The following INSR variants were observed in gnomAD, a reference collection of about 807,000 sequenced individuals.
The protein encoded by INSR is IR.
INSR carries 67 observed loss-of-function variants against 142.6 expected under a neutral mutation model. The ratio of observed to expected loss-of-function variants is 0.47; its 90% CI spans 0.39 to 0.58. The LOEUF (loss-of-function observed/expected upper bound fraction) is 0.58, where lower values mean the gene tolerates loss of function less well. Ranked by LOEUF, INSR falls within the 20% of genes least tolerant of loss-of-function variation. INSR has a pLI of 0.00. For synonymous variants in INSR, 756 were observed against 743.1 expected, an observed-to-expected ratio of 1.02 and a Z score of -0.28; for missense variants, 1,248 against 1,833.2, an observed-to-expected ratio of 0.68 and a Z score of 5.83.
In INSR at chr19:7,222,261, T is replaced by C. The variant is rs143730183; in HGVS notation, c.653-37624A>G. Among the ~76,000 whole-genome samples, 588 of 152,246 alleles carry C rather than the reference T, an allele frequency of 3.9e-3. 3 individuals are homozygous for C. The highest frequency in any genetic ancestry group is 5.7e-3 in the Non-Finnish European group (388 of 68,022). On this transcript the variant is annotated intron_variant, in intron 2 of 21. Transcript: ENST00000302850. ...TTGGCACTTTGGACCGCAGCCTGTA[T>C]GGAAATTCCTGGCCTCTGATGACCT...
At chr19:7,202,117 T>C (rs1432542573) in intron 2 of INSR, among the ~76,000 whole-genome samples, 1 of 152,214 alleles carries the variant, frequency 6.6e-6, no homozygotes, top group African/African-American at 2.4e-5. Context: ...CAGTAGTCAC[T>C]AACCATACAT....
intron 2 of INSR, among the ~76,000 whole-genome samples, chr19:7,206,683 G>A (rs1975113358): frequency 6.6e-6 from 1 of 152,174 alleles, no homozygotes; most frequent in African/African-American, 2.4e-5. Flanking sequence ...AACCCAGGAG[G>A]AGGAGGTTTC....
At chr19:7,253,679 A>G (rs1263965707) in intron 2 of INSR, among the ~76,000 whole-genome samples, 1 of 152,276 alleles carries the variant, frequency 6.6e-6, no homozygotes, top group East Asian at 1.9e-4. Flanking sequence ...AGAGGAGAGC[A>G]ATGCTTTCAA....
rs1973925857 is a variant in INSR at position 7,167,964 on chromosome 19, T to G, written c.1610+4A>C. 6.2e-7 allele frequency: 1 copy of G among 1,613,656 alleles called. No individual in the cohort carries two copies. The highest frequency in any genetic ancestry group is 8.5e-7 in the Non-Finnish European group (1 of 1,179,910). ...CTCAGCGTCTCTCTAACTCTTCTAC[T>G]TACGCCTCTTTGTAGAACAGCATGA... is the stretch of plus-strand genomic sequence containing the variant. On this transcript the variant is annotated splice_donor_region_variant and intron_variant, in intron 7 of 21. Transcript: ENST00000302850.
intron 2 of INSR, among the ~76,000 whole-genome samples, chr19:7,207,353 G>A (rs559263963): frequency 2.6e-5 from 4 of 151,324 alleles, no homozygotes; most frequent in South Asian, 2.1e-4. Context: ...GGAGGCAGAG[G>A]TTGCAGTGAG....
At chr19:7,263,329 C>T (rs557319599) in intron 2 of INSR, among the ~76,000 whole-genome samples, 1 of 151,718 alleles carries the variant, frequency 6.6e-6, no homozygotes, top group South Asian at 2.1e-4. Flanking sequence ...TATTTTATCA[C>T]AATACAAGAA....
At chr19:7,257,329 C>T (rs1006344120) in intron 2 of INSR, among the ~76,000 whole-genome samples, 3 of 151,974 alleles carry the variant, frequency 2.0e-5, no homozygotes, top group African/African-American at 4.8e-5. Context: ...ACAGTGACAT[C>T]GCCACAAGGG....
intron 3 of INSR, among the ~76,000 whole-genome samples, chr19:7,182,685 C>T (rs1000711963): frequency 1.2e-4 from 18 of 152,212 alleles, no homozygotes; most frequent in African/African-American, 4.3e-4. Flanking sequence ...TCTGTTTTAG[C>T]ATCTCCCGCA....
In INSR at chr19:7,207,948, G is replaced by GGAAGGAAGGGAA. The variant is rs1375255118; in HGVS notation, c.653-23312_653-23311insTTCCCTTCCTTC. ...AGGAAGGAAGGAAGGAAGGGAAGGA[G>GGAAGGAAGGGAA]GGAGGGAGGGAGGGAGGGAGGCAAA... On this transcript the variant is annotated intron_variant, in intron 2 of 21. Transcript: ENST00000302850. Among the ~76,000 whole-genome samples, 839 of 123,864 alleles carry GGAAGGAAGGGAA rather than the reference G, an allele frequency of 6.8e-3. 5 individuals carry two copies. The highest frequency in any genetic ancestry group is 0.018 in the South Asian group (59 of 3,330). The allele number at this position is 123,864 out of a possible 152,430, so 81.3% of individuals were successfully genotyped here. A position where few individuals can be genotyped will look rare whatever the true frequency, so the allele number is the denominator to read the frequency against.
chr19:7,198,132 C>T (rs1031055174), intron 2 of INSR, among the ~76,000 whole-genome samples: 1 of 151,878 alleles, frequency 6.6e-6, no homozygotes, highest in Non-Finnish European at 1.5e-5. Flanking sequence ...CCCCTCGAGC[C>T]GGAGGCCTCA....
chr19:7,285,452 T>A (rs989624169), intron 1 of INSR, among the ~76,000 whole-genome samples: 1 of 151,370 alleles, frequency 6.6e-6, no homozygotes, highest in African/African-American at 2.4e-5. Context: ...AGACTCCGTC[T>A]CAAAAATAAA....
intron 1 of INSR, among the ~76,000 whole-genome samples, chr19:7,269,963 T>C (rs1967865067): frequency 6.6e-6 from 1 of 152,062 alleles, no homozygotes; most frequent in Non-Finnish European, 1.5e-5. Flanking sequence ...CTTGTGGGGT[T>C]TTTGTTGTTG....
At position 7,150,615 on chromosome 19, in the gene INSR, T is replaced by A; in HGVS notation, c.2232-83A>T. ...TGGGCTCTGACACTTGGAGGCCACA[T>A]GTGTCCGAGTAAGGGCACCCTGGCT... is the stretch of plus-strand genomic sequence containing the variant. On this transcript the variant is annotated intron_variant, in intron 10 of 21. Coordinates refer to ENST00000302850, the MANE Select transcript of INSR (RefSeq NM_000208.4). The surrounding 1 kb of genome is among the most constrained non-coding windows in gnomAD (Gnocchi z 4.2). 3 of 1,349,436 alleles carry A rather than the reference T, an allele frequency of 2.2e-6. No homozygotes were observed. Among genetic ancestry groups the A allele is most frequent in the Non-Finnish European group, 3.2e-6 (3 of 943,242 alleles). The allele number at this position is 1,349,436 out of a possible 1,614,324, so 83.6% of individuals were successfully genotyped here. A position where few individuals can be genotyped will look rare whatever the true frequency, so the allele number is the denominator to read the frequency against.
intron 2 of INSR, among the ~76,000 whole-genome samples, chr19:7,227,764 A>G (rs1037359652): frequency 6.6e-6 from 1 of 152,186 alleles, no homozygotes; most frequent in African/African-American, 2.4e-5. Flanking sequence ...TCGGAAAGGC[A>G]GCCCACCCTG....
At chr19:7,193,119 CTTTTTTTTTTT>C (rs764541723) in intron 2 of INSR, among the ~76,000 whole-genome samples, 2 of 139,744 alleles carry the variant, frequency 1.4e-5, no homozygotes, top group African/African-American at 5.1e-5. Flanking sequence ...TCTTTTTTTT[CTTTTTTTTTTT>C]TTCCCCAGAT....
chr19:7,156,287 C>T (rs1167861540), intron 9 of INSR, among the ~76,000 whole-genome samples: 1 of 151,824 alleles, frequency 6.6e-6, no homozygotes, highest in Non-Finnish European at 1.5e-5. Context: ...TCTGGAACTC[C>T]TGACCTCATG....
intron 4 of INSR, among the ~76,000 whole-genome samples, chr19:7,174,136 A>AG (rs1422827765): frequency 6.6e-6 from 1 of 151,450 alleles, no homozygotes; most frequent in Admixed American, 6.6e-5. Flanking sequence ...ATTAAAAAAA[A>AG]AAAAAATTAG....
chr19:7,163,298 G>C (rs960567623), intron 8 of INSR, 99 bp from the exon 9 acceptor site: 1 of 1,215,750 alleles, frequency 8.2e-7, no homozygotes, highest in Non-Finnish European at 1.2e-6. Flanking sequence ...GACATCATGA[G>C]GGCACCCATC....
chr19:7,152,998 C>CCA, intron 9 of INSR, 71 bp from the exon 10 acceptor site: 1 of 730,376 alleles, frequency 1.4e-6, no homozygotes, highest in Non-Finnish European at 2.2e-6. Flanking sequence ...CACACACACC[C>CCA]CACACACACA....
Sources: gnomAD v4.1 joint callset for allele counts (sites outside exome capture counted in the v4.1 genomes callset) on GRCh38, gnomAD v4.1.1 for gene constraint, Gnocchi (gnomAD v3.1) non-coding constraint, MANE v1.5 for transcripts, NCBI Gene and HGNC (gene_info 2026-07-23, HGNC 2026-07-21) for gene names.